Variants in RELN observed in about 807,000 individuals in gnomAD.
RELN encodes the protein reelin.
RELN carries 108 observed loss-of-function variants against 427.6 expected under a neutral mutation model. That is an observed-to-expected ratio of 0.25 (90% CI 0.22 to 0.30). The LOEUF (loss-of-function observed/expected upper bound fraction) is 0.30. RELN is among the 10% of genes least tolerant of loss of function. The pLI, the probability that RELN is intolerant of heterozygous loss-of-function variation, is 1.00. For synonymous variants in RELN, 1,524 were observed against 1,513.4 expected (o/e 1.01, Z -0.16); for missense variants, 3,715 against 4,302.8 (o/e 0.86, Z 3.82).
chr7:103,581,238 A>C lies in RELN; in HGVS notation c.4146-5533T>G, dbSNP rs138550376. Among the ~76,000 whole-genome samples the C allele has an allele frequency of 2.6e-5, 4 of 152,262 alleles. No individual in the cohort carries two copies. The East Asian group carries it at 7.7e-4, about 29-fold the overall frequency. ...CTCAGAGGAGGGAGCCCTAGTAACA[A>C]GTCTCTTGCTGCATTTGGAATTTCT... is the stretch of plus-strand genomic sequence containing the variant. On this transcript the variant is annotated intron_variant, in intron 28 of 64. Coordinates refer to ENST00000428762, the MANE Select transcript of RELN (RefSeq NM_005045.4).
chr7:103,501,845 A>G lies in RELN; in HGVS notation c.8490-923T>C, dbSNP rs1263719190. ...TCCTAACTCAACTATTGAGTGGCTA[A>G]TTGGTACCAGTGGGATGCAAGGTGG... is the stretch of plus-strand genomic sequence containing the variant. On this transcript the variant is annotated intron_variant, in intron 52 of 64. Transcript: ENST00000428762. Among the ~76,000 whole-genome samples the G allele has an allele frequency of 2.0e-5, 3 of 152,308 alleles. No individual in the cohort carries two copies. The East Asian group carries it at 5.8e-4, about 29-fold the overall frequency.
intron 2 of RELN, among the ~76,000 whole-genome samples, chr7:103,838,590 A>G (rs898611878): frequency 6.6e-6 from 1 of 152,048 alleles, no homozygotes; most frequent in Non-Finnish European, 1.5e-5. Context: ...AGGAGCTGCC[A>G]CTCCCCTCTG....
chr7:103,798,107 C>T (rs1178831046), intron 3 of RELN, among the ~76,000 whole-genome samples: 1 of 152,176 alleles, frequency 6.6e-6, no homozygotes, highest in East Asian at 1.9e-4. Context: ...TCTCTGACTG[C>T]CCAGCCCTGG....
chr7:103,791,102 G>GA (rs367592667), intron 3 of RELN, among the ~76,000 whole-genome samples: 24 of 150,600 alleles, frequency 1.6e-4, no homozygotes, highest in Admixed American at 3.3e-4. Context: ...AAACATCACT[G>GA]AAAAAAAAAG....
chr7:103,952,554 T>C lies in RELN; in HGVS notation c.227-35369A>G, dbSNP rs5009602. ...ACACATACATACATACTCTCACTCTTTCTCTCTCTCTCTCTCTCTGGATAT... is the reference window on the plus strand; with the variant it reads ...ACACATACATACATACTCTCACTCTCTCTCTCTCTCTCTCTCTCTGGATAT... On this transcript the variant is annotated intron_variant, in intron 1 of 64. Coordinates refer to ENST00000428762, the MANE Select transcript of RELN (RefSeq NM_005045.4). 6.5e-4 allele frequency among the ~76,000 whole-genome samples: 98 copies of C among 149,966 alleles called. 1 individual carries two copies. The highest frequency in any genetic ancestry group is 2.0e-4 in the East Asian group (1 of 5,120).
At chr7:103,800,088 G>A (rs535166863) in intron 3 of RELN, among the ~76,000 whole-genome samples, 1 of 152,322 alleles carries the variant, frequency 6.6e-6, no homozygotes, top group African/African-American at 2.4e-5. Flanking sequence ...AGACAGGGAT[G>A]CCCTCTCTCA....
intron 51 of RELN, 72 bp from the exon 52 acceptor site, chr7:103,503,302 A>C: frequency 7.5e-7 from 1 of 1,333,378 alleles, no homozygotes; most frequent in Non-Finnish European, 1.1e-6. Flanking sequence ...ACTTGGCAGC[A>C]AAAAAGCTGC....
In RELN at chr7:103,750,973, T is replaced by C. The variant is rs1265053651; in HGVS notation, c.578-1469A>G. Among the ~76,000 whole-genome samples the C allele has an allele frequency of 2.6e-5, 4 of 152,210 alleles. No individual in the cohort carries two copies. The East Asian group carries it at 7.7e-4, about 29-fold the overall frequency. Reference sequence around the variant, plus strand: ...AGAGTTCATATTTCTGCTGAATAGATGATGAATAAGTAAACTCACTTTCAT... The same window carrying C: ...AGAGTTCATATTTCTGCTGAATAGACGATGAATAAGTAAACTCACTTTCAT... On this transcript the variant is annotated intron_variant, in intron 5 of 64. Transcript: ENST00000428762.
chr7:103,613,931 T>C (rs1246814453), intron 20 of RELN, among the ~76,000 whole-genome samples: 1 of 152,178 alleles, frequency 6.6e-6, no homozygotes, highest in Non-Finnish European at 1.5e-5. Flanking sequence ...CATAATTCTA[T>C]AGAGAAACAG....
intron 3 of RELN, among the ~76,000 whole-genome samples, chr7:103,826,136 T>C (rs1405485809): frequency 6.7e-6 from 1 of 149,736 alleles, no homozygotes; most frequent in Non-Finnish European, 1.5e-5. Flanking sequence ...CTTTCAGGTA[T>C]GCTCAGTTTC....
chr7:103,829,578 A>G (rs1289070829), intron 3 of RELN, among the ~76,000 whole-genome samples: 1 of 151,928 alleles, frequency 6.6e-6, no homozygotes, highest in Admixed American at 6.6e-5. Context: ...GTAATGATAA[A>G]ATAATTTTGG....
chr7:103,976,348 T>C (rs1176741772), intron 1 of RELN, among the ~76,000 whole-genome samples: 1 of 152,010 alleles, frequency 6.6e-6, no homozygotes, highest in African/African-American at 2.4e-5. Flanking sequence ...CGTCTTGGCT[T>C]TTAGCAGAGC....
At chr7:103,648,216 TC>T (rs1483295179) in intron 16 of RELN, among the ~76,000 whole-genome samples, 16 of 152,110 alleles carry the variant, frequency 1.1e-4, no homozygotes, top group African/African-American at 3.4e-4. Flanking sequence ...GGGGTGGATT[TC>T]CCCCTTGCTG....
chr7:103,776,477 A>C, intron 4 of RELN, 80 bp downstream of exon 4: 2 of 1,395,014 alleles, frequency 1.4e-6, no homozygotes, highest in Non-Finnish European at 2.0e-6. Context: ...TCATAATGAA[A>C]TGCTTACTTG....
At chr7:103,894,330 T>C (rs1007779284) in intron 2 of RELN, among the ~76,000 whole-genome samples, 3 of 152,190 alleles carry the variant, frequency 2.0e-5, no homozygotes, top group African/African-American at 7.2e-5. Context: ...ATCAACAGCA[T>C]GCATCATAAA....
intron 1 of RELN, among the ~76,000 whole-genome samples, chr7:103,938,458 ATTT>A (rs1273213168): frequency 1.3e-5 from 2 of 152,182 alleles, no homozygotes; most frequent in Non-Finnish European, 2.9e-5. Context: ...CTTTGATATA[ATTT>A]TTATTTTAAT....
chr7:103,884,011 A>G (rs564920104), intron 2 of RELN, among the ~76,000 whole-genome samples: 1 of 152,308 alleles, frequency 6.6e-6, no homozygotes, highest in Admixed American at 6.5e-5. Flanking sequence ...TGGAGGTATG[A>G]TACTACCTAA....
intron 3 of RELN, among the ~76,000 whole-genome samples, chr7:103,786,860 C>T (rs2116253333): frequency 6.6e-6 from 1 of 152,274 alleles, no homozygotes; most frequent in African/African-American, 2.4e-5. Context: ...ACCTAAAAGA[C>T]ATCTACAGAA....
chr7:103,814,511 T>C (rs1189820432), intron 3 of RELN, among the ~76,000 whole-genome samples: 2 of 152,160 alleles, frequency 1.3e-5, no homozygotes, highest in African/African-American at 2.4e-5. Flanking sequence ...TTCATATACA[T>C]CAATAAATCC....
Sources: allele counts gnomAD v4.1 joint callset (sites outside exome capture counted in the v4.1 genomes callset), GRCh38; gene constraint gnomAD v4.1.1; transcripts MANE v1.5; gene names NCBI Gene and HGNC (gene_info 2026-07-23, HGNC 2026-07-21).